The following SUSD5 variants were observed in gnomAD, a reference collection of about 807,000 sequenced individuals.
The protein encoded by SUSD5 is sushi domain containing 5.
Under a neutral mutation model 29.5 loss-of-function variants are expected in SUSD5, and 33 were observed. The ratio of observed to expected loss-of-function variants is 1.12; its 90% CI spans 0.85 to 1.49. SUSD5 has a LOEUF of 1.49. SUSD5 is among the 40% of genes most tolerant of loss of function. The pLI, the probability that SUSD5 is intolerant of heterozygous loss-of-function variation, is 0.00. For synonymous variants in SUSD5, 308 were observed against 325.3 expected, an observed-to-expected ratio of 0.95 and a Z score of 0.57; for missense variants, 776 against 800.6, an observed-to-expected ratio of 0.97 and a Z score of 0.37.
intron 3 of SUSD5, among the ~76,000 whole-genome samples, chr3:33,206,195 G>A (rs1003303560): frequency 2.0e-5 from 3 of 152,068 alleles, no homozygotes; most frequent in African/African-American, 7.2e-5. Flanking sequence ...CCAATATGGT[G>A]AAACCACGTC....
chr3:33,173,904 G>A (rs2031489431), intron 4 of SUSD5, among the ~76,000 whole-genome samples: 1 of 152,178 alleles, frequency 6.6e-6, no homozygotes. Flanking sequence ...GTCCCTGTTG[G>A]GGTGGGGAGG....
chr3:33,211,627 C>T (rs1559458229), intron 2 of SUSD5, among the ~76,000 whole-genome samples: 2 of 152,178 alleles, frequency 1.3e-5, no homozygotes, highest in African/African-American at 4.8e-5. Context: ...TATGGCCACT[C>T]GCCAGCCAGA....
rs1188484178 is a variant in SUSD5, at chr3:33,152,750, T to A, written c.1882A>T (p.Lys628Ter). The change falls in exon 5 of 5, where the codon AAG becomes TAG. Residue 628 changes from lysine to a stop codon, truncating the protein, a stop_gained. Coordinates refer to ENST00000309558, the MANE Select transcript of SUSD5 (RefSeq NM_015551.2). LOFTEE classifies it high-confidence loss of function. ...RHYHQQIEME[K>*]V ...ACCCACTCCAAAGGTGCCTAGACCT[T>A]CTCCATCTCGATCTGCTGGTGGTAG... is the stretch of plus-strand genomic sequence containing the variant. The A allele has an allele frequency of 8.7e-6, 14 of 1,608,092 alleles. No homozygotes were observed. Among genetic ancestry groups the A allele is most frequent in the Non-Finnish European group, 1.2e-5 (14 of 1,176,798 alleles).
At chr3:33,163,327 G>A (rs1326397222) in intron 4 of SUSD5, among the ~76,000 whole-genome samples, 1 of 151,736 alleles carries the variant, frequency 6.6e-6, no homozygotes, top group East Asian at 1.9e-4. Context: ...AGTTAATGTC[G>A]GTAAGCTGGG....
chr3:33,164,825 A>C (rs567794332), intron 4 of SUSD5, among the ~76,000 whole-genome samples: 1 of 152,318 alleles, frequency 6.6e-6, no homozygotes, highest in South Asian at 2.1e-4. Flanking sequence ...ATACCCATCA[A>C]TATGGCTAAA....
rs141799178 is a variant in SUSD5 at position 33,214,283 on chromosome 3, G to A, written c.113-178C>T. On this transcript the variant is annotated intron_variant, in intron 1 of 4. Coordinates refer to ENST00000309558, the MANE Select transcript of SUSD5 (RefSeq NM_015551.2). ...TGATGATAATTACACTAGCATTTTC[G>A]TCTTTTTTTTTTCTCTTATCTTCTT... is the stretch of plus-strand genomic sequence containing the variant. Among the ~76,000 whole-genome samples, 637 of 151,952 alleles carry A rather than the reference G, an allele frequency of 4.2e-3. 1 individual carries two copies. Among genetic ancestry groups the A allele is most frequent in the African/African-American group, 0.013 (551 of 41,372 alleles).
rs2030983910 is a variant in SUSD5 at position 33,153,884 on chromosome 3, G to C, written c.748C>G (p.Leu250Val). 6.2e-7 allele frequency: 1 copy of C among 1,613,910 alleles called. No homozygotes were observed. Among genetic ancestry groups the C allele is most frequent in the South Asian group, 1.1e-5 (1 of 91,088 alleles). ...SSEEAPKQDR[L>V]VSISVGRENI... ...TCTCTCCCCACAGAAATGGAGACCA[G>C]ACGGTCCTGTTTTGGAGCCTCCTCA... is the stretch of plus-strand genomic sequence containing the variant. The change falls in exon 5 of 5, where the codon CTG becomes GTG. Residue 250 changes from leucine (L) to valine (V), a missense_variant. Transcript: ENST00000309558.
At chr3:33,154,125 G>A (rs879454412) in intron 4 of SUSD5, 92 bp from the exon 5 acceptor site, 1 of 1,063,926 alleles carries the variant, frequency 9.4e-7, no homozygotes, top group Non-Finnish European at 1.3e-6. Context: ...ATAAAGGCTG[G>A]GACAGAATAA....
intron 1 of SUSD5, among the ~76,000 whole-genome samples, chr3:33,216,208 T>A (rs2032425514): frequency 6.6e-6 from 1 of 152,174 alleles, no homozygotes; most frequent in Non-Finnish European, 1.5e-5. Context: ...TATTACATTG[T>A]ATATGCCACA....
At chr3:33,208,137 T>G (rs147936133) in intron 2 of SUSD5, among the ~76,000 whole-genome samples, 1 of 152,222 alleles carries the variant, frequency 6.6e-6, no homozygotes. Context: ...TAGGTATCAA[T>G]TCGAGTTTCA....
intron 4 of SUSD5, among the ~76,000 whole-genome samples, chr3:33,169,755 G>A (rs559868717): frequency 6.6e-6 from 1 of 152,278 alleles, no homozygotes; most frequent in South Asian, 2.1e-4. Context: ...ACTCAGAGGC[G>A]GCGAGGCTGG....
Position 33,204,620 on chromosome 3 carries a change from CTGTTTTATTTTGTTTTGTTT to C in SUSD5, c.409+3168_409+3187del, listed in dbSNP as rs2032180486. ...ACAGGCTTGAGCCACCACACCCGGC[CTGTTTTATTTTGTTTTGTTT>C]TGTTTTGTTTTGTTTTGTTTTGTTT... is the stretch of plus-strand genomic sequence containing the variant. On this transcript the variant is annotated intron_variant, in intron 3 of 4. Transcript: ENST00000309558. The surrounding 1 kb of genome is among the most constrained non-coding windows in gnomAD (Gnocchi z 4.5). 7.6e-6 allele frequency among the ~76,000 whole-genome samples: 1 copy of C among 131,082 alleles called. No homozygotes were observed. The highest frequency in any genetic ancestry group is 1.6e-5 in the Non-Finnish European group (1 of 62,170). 86.0% of individuals were successfully genotyped at this position (131,082 alleles called of 152,430 possible).
intron 4 of SUSD5, among the ~76,000 whole-genome samples, chr3:33,171,974 C>A (rs1322923652): frequency 6.6e-6 from 1 of 152,118 alleles, no homozygotes; most frequent in Non-Finnish European, 1.5e-5. Flanking sequence ...ACAGTGTTTA[C>A]TCAACTTGTA....
At chr3:33,159,497 C>G (rs769360517) in intron 4 of SUSD5, among the ~76,000 whole-genome samples, 12 of 152,180 alleles carry the variant, frequency 7.9e-5, no homozygotes, top group Non-Finnish European at 1.6e-4. Context: ...CTGCCCGTCC[C>G]TCTGCTCTTC....
At chr3:33,206,513 AAG>A (rs1278251333) in intron 3 of SUSD5, among the ~76,000 whole-genome samples, 1 of 151,992 alleles carries the variant, frequency 6.6e-6, no homozygotes, top group Non-Finnish European at 1.5e-5. Context: ...TTTGAAAACC[AAG>A]TCACATCTCT....
In SUSD5 at chr3:33,204,310, T is replaced by TTTTG. The variant is rs375549892; in HGVS notation, c.409+3494_409+3497dup. Among the ~76,000 whole-genome samples, 82 of 151,862 alleles carry TTTTG rather than the reference T, an allele frequency of 5.4e-4. No individual in the cohort carries two copies. In the South Asian group the frequency reaches 6.7e-3, roughly 12 times the overall value. ...AAGCCACCATGCCCAGCCTGAGCTT[T>TTTTG]TTTGTTTGTTTGTTTGTTTGTTTGT... On this transcript the variant is annotated intron_variant, in intron 3 of 4. Transcript: ENST00000309558. The surrounding 1 kb of genome is among the most constrained non-coding windows in gnomAD (Gnocchi z 4.5).
intron 3 of SUSD5, among the ~76,000 whole-genome samples, chr3:33,194,001 C>T (rs945784669): frequency 6.6e-6 from 1 of 152,214 alleles, no homozygotes; most frequent in Non-Finnish European, 1.5e-5. Context: ...CTATCCTCCC[C>T]AGTCGCTCCT....
At position 33,167,439 on chromosome 3, in the gene SUSD5, G is replaced by A. The variant is rs2031328422; in HGVS notation, c.598+7447C>T. Among the ~76,000 whole-genome samples, 1 of 151,990 alleles carries A rather than the reference G, an allele frequency of 6.6e-6. No individual in the cohort carries two copies. The highest frequency in any genetic ancestry group is 2.4e-5 in the African/African-American group (1 of 41,392). On this transcript the variant is annotated intron_variant, in intron 4 of 4. Coordinates refer to ENST00000309558, the MANE Select transcript of SUSD5 (RefSeq NM_015551.2). This position sits in a 1 kb window ranked among gnomAD's most constrained non-coding sequence, Gnocchi z 4.1. ...CGTGTGTGTGTGTCTGTGTATGCAT[G>A]GATGTGCATGTGATTGTGTGTGTAT...
At chr3:33,177,414 T>C (rs1296363334) in intron 3 of SUSD5, among the ~76,000 whole-genome samples, 1 of 152,234 alleles carries the variant, frequency 6.6e-6, no homozygotes, top group East Asian at 1.9e-4. Flanking sequence ...ATTCTTCATC[T>C]AGATCTACAG....
Sources: gnomAD v4.1 joint callset for allele counts (sites outside exome capture counted in the v4.1 genomes callset) on GRCh38, gnomAD v4.1.1 for gene constraint, Gnocchi (gnomAD v3.1) non-coding constraint, MANE v1.5 for transcripts, NCBI Gene and HGNC (gene_info 2026-07-23, HGNC 2026-07-21) for gene names.